The following UBXN7 variants were observed in gnomAD, a reference collection of about 807,000 sequenced individuals.
UBXN7 encodes UBX domain protein 7.
UBXN7 carries 9 observed loss-of-function variants against 58.0 expected under a neutral mutation model. That is an observed-to-expected ratio of 0.16 (90% CI 0.09 to 0.27). The LOEUF is 0.27. UBXN7 is among the 10% of genes least tolerant of loss of function. UBXN7 has a pLI of 1.00. For synonymous variants in UBXN7, 208 were observed against 205.0 expected (o/e 1.01, Z -0.12); for missense variants, 328 against 599.6 (o/e 0.55, Z 4.73).
chr3:196,376,963 T>G (rs1729047761), intron 5 of UBXN7, among the ~76,000 whole-genome samples: 1 of 151,710 alleles, frequency 6.6e-6, no homozygotes, highest in Admixed American at 6.6e-5. Flanking sequence ...GGCAGATCAC[T>G]TGAACCCAGG....
chr3:196,351,496 A>AG lies in UBXN7; in HGVS notation c.*5188dup, dbSNP rs1728213344. 1 of 152,094 alleles carries AG rather than the reference A, an allele frequency of 6.6e-6. No homozygotes were observed. Among genetic ancestry groups the AG allele is most frequent in the Non-Finnish European group, 1.5e-5 (1 of 68,008 alleles). The allele number at this position is 152,094 out of a possible 1,614,324, so 9.4% of individuals were successfully genotyped here. On this transcript the variant is annotated 3_prime_UTR_variant, in exon 11 of 11. Coordinates refer to ENST00000296328, the MANE Select transcript of UBXN7 (RefSeq NM_015562.2). ...CCTGAACACAGAATAAAAAAAAGAGAGAAAAAAAAAGTAAAGAAACTGATT... is the reference window on the plus strand; with the variant it reads ...CCTGAACACAGAATAAAAAAAAGAGAGGAAAAAAAAAGTAAAGAAACTGATT...
rs910746117 is a variant in UBXN7, at chr3:196,354,546, C to T, written c.*2139G>A. On this transcript the variant is annotated 3_prime_UTR_variant, in exon 11 of 11. Transcript: ENST00000296328. ...AAAGCTGAGCAAACCTCTCTTCTTA[C>T]CCTGTGCCCTCCCTGAATTTTTGGA... The T allele has an allele frequency of 6.6e-6, 1 of 152,274 alleles. No homozygotes were observed. The highest frequency in any genetic ancestry group is 1.5e-5 in the Non-Finnish European group (1 of 68,078). 9.4% of individuals were successfully genotyped at this position (152,274 alleles called of 1,614,324 possible). A position where few individuals can be genotyped will look rare whatever the true frequency, so the allele number is the denominator to read the frequency against.
chr3:196,394,651 G>A (rs1729715040), intron 3 of UBXN7, among the ~76,000 whole-genome samples: 1 of 151,948 alleles, frequency 6.6e-6, no homozygotes, highest in Non-Finnish European at 1.5e-5. Flanking sequence ...GGTGATATCA[G>A]GAAGAAAGAA....
chr3:196,406,466 G>GTCTT (rs1730165750), intron 2 of UBXN7, among the ~76,000 whole-genome samples: 1 of 151,948 alleles, frequency 6.6e-6, no homozygotes, highest in African/African-American at 2.4e-5. Context: ...TTGAGACAGA[G>GTCTT]TCTTGCTCTG....
At position 196,432,364 on chromosome 3, in the gene UBXN7, C is replaced by T. The variant is rs151210738; in HGVS notation, c.36G>A (p.Ala12=). 1.0e-3 allele frequency: 1,596 copies of T among 1,598,584 alleles called. 15 individuals carry two copies. The African/African-American group carries it at 0.019, about 19-fold the overall frequency. The change falls in exon 1 of 11, where the codon GCG becomes GCA. Residue 12 remains alanine, a synonymous_variant. Transcript: ENST00000296328. ...AAHGGSAASS[A]LKGLIQQFTT... The stretch of plus-strand genomic sequence containing the variant: ...TGAACTGTTGAATTAACCCCTTCAG[C>T]GCCGAGGACGCCGCGGAGCCCCCGT...
At chr3:196,429,533 G>T (rs920696380) in intron 1 of UBXN7, among the ~76,000 whole-genome samples, 5 of 151,000 alleles carry the variant, frequency 3.3e-5, no homozygotes, top group Non-Finnish European at 7.4e-5. Context: ...TCACATTTTT[G>T]ATGATGCATT....
At chr3:196,390,242 G>GAA (rs1447256239) in intron 5 of UBXN7, among the ~76,000 whole-genome samples, 1 of 151,832 alleles carries the variant, frequency 6.6e-6, no homozygotes, top group African/African-American at 2.4e-5. Context: ...AAAGAAAAGG[G>GAA]AAAGATAGGG....
intron 9 of UBXN7, 132 bp from the exon 10 acceptor site, chr3:196,362,055 G>A (rs989206586): frequency 8.8e-6 from 9 of 1,019,432 alleles, no homozygotes; most frequent in South Asian, 3.2e-5. Context: ...GTGCAGTGGC[G>A]TGATCTCAGC....
intron 1 of UBXN7, among the ~76,000 whole-genome samples, chr3:196,418,690 T>C (rs1054538891): frequency 1.3e-5 from 2 of 152,338 alleles, no homozygotes; most frequent in Non-Finnish European, 2.9e-5. Flanking sequence ...GTACAGTATG[T>C]ATGTATTCTA....
Position 196,362,432 on chromosome 3 carries a change from T to C in UBXN7, c.1090A>G (p.Arg364Gly), listed in dbSNP as rs762118400. Reference sequence around the variant, plus strand: ...CTGACTGGTGGCTCAGTCAGCGGCCTTCTATTCTCCTCTTTTCTATGCCCC... The same window carrying C: ...CTGACTGGTGGCTCAGTCAGCGGCCCTCTATTCTCCTCTTTTCTATGCCCC... ...DLGHRKEENR[R>G]PLTEPPVRTD... is the part of the protein sequence containing the mutation. Residue 364 changes from arginine to glycine, a missense_variant, in exon 9 of 11, where the codon AGG (arginine) becomes GGG (glycine). Arg to Gly is a moderately radical substitution (Grantham distance 125, BLOSUM62 -2). Transcript: ENST00000296328. 14 of 1,614,074 alleles carry C rather than the reference T, an allele frequency of 8.7e-6. No individual in the cohort carries two copies. Among genetic ancestry groups the C allele is most frequent in the Non-Finnish European group, 1.1e-5 (13 of 1,180,038 alleles).
intron 3 of UBXN7, among the ~76,000 whole-genome samples, chr3:196,402,252 C>A (rs145273371): frequency 6.2e-4 from 94 of 152,232 alleles, no homozygotes; most frequent in African/African-American, 2.1e-3. Context: ...AACTCCCGGC[C>A]TCGAGTGATC....
rs575760521 is a variant in UBXN7 at position 196,424,383 on chromosome 3, A to C, written c.73+7944T>G. ...AGATGCCATCCTTTCTCTTTTCCTA[A>C]TTTTTTTTTTTTTTTTTTTTTTTTT... is the stretch of plus-strand genomic sequence containing the variant. On this transcript the variant is annotated intron_variant, in intron 1 of 10. Coordinates refer to ENST00000296328, the MANE Select transcript of UBXN7 (RefSeq NM_015562.2). Among the ~76,000 whole-genome samples, 465 of 104,898 alleles carry C rather than the reference A, an allele frequency of 4.4e-3. 8 individuals are homozygous for C. The highest frequency in any genetic ancestry group is 0.036 in the Admixed American group (292 of 8,190). The allele number at this position is 104,898 out of a possible 152,430, so 68.8% of individuals were successfully genotyped here.
At chr3:196,402,915 A>T in intron 3 of UBXN7, 37 bp downstream of exon 3, 1 of 1,580,588 alleles carries the variant, frequency 6.3e-7, no homozygotes, top group Non-Finnish European at 8.5e-7. Context: ...CCTAAAGAAC[A>T]AAATCAAATA....
rs116258277 is a variant in UBXN7 at position 196,357,527 on chromosome 3, A to G, written c.1309-681T>C. ...GGTTGCTCACACCTGTAATCCCTGC[A>G]CTTTGGGAGGCCAAGGAGGGGGACA... is the stretch of plus-strand genomic sequence containing the variant. On this transcript the variant is annotated intron_variant, in intron 10 of 10. Transcript: ENST00000296328. Among the ~76,000 whole-genome samples, 1,145 of 152,294 alleles carry G rather than the reference A, an allele frequency of 7.5e-3. 14 individuals carry two copies. The highest frequency in any genetic ancestry group is 0.026 in the African/African-American group (1,097 of 41,558).
chr3:196,421,601 C>G lies in UBXN7; in HGVS notation c.73+10726G>C, dbSNP rs115090267. Among the ~76,000 whole-genome samples, 1,021 of 151,670 alleles carry G rather than the reference C, an allele frequency of 6.7e-3. 8 individuals are homozygous for G. The highest frequency in any genetic ancestry group is 0.023 in the African/African-American group (954 of 41,346). On this transcript the variant is annotated intron_variant, in intron 1 of 10. Coordinates refer to ENST00000296328, the MANE Select transcript of UBXN7 (RefSeq NM_015562.2). ...CCTGGCCAACATGGTGAAACCCCCCCCCAGTCTCTAGTAAAAATACAAAAA... is the reference window on the plus strand; with the variant it reads ...CCTGGCCAACATGGTGAAACCCCCCGCCAGTCTCTAGTAAAAATACAAAAA...
intron 5 of UBXN7, among the ~76,000 whole-genome samples, chr3:196,389,872 T>C (rs1256536060): frequency 6.6e-6 from 1 of 152,080 alleles, no homozygotes; most frequent in Non-Finnish European, 1.5e-5. Flanking sequence ...AAAGGACACA[T>C]TTAAAAAAAA....
intron 3 of UBXN7, among the ~76,000 whole-genome samples, chr3:196,396,668 CAGG>C (rs1729784873): frequency 6.6e-6 from 1 of 152,026 alleles, no homozygotes; most frequent in Non-Finnish European, 1.5e-5. Flanking sequence ...GAGGCTGAGG[CAGG>C]AGAACAGCGT....
intron 1 of UBXN7, among the ~76,000 whole-genome samples, chr3:196,422,574 T>C (rs905230816): frequency 3.3e-5 from 5 of 152,116 alleles, no homozygotes; most frequent in African/African-American, 7.2e-5. Context: ...TTAATACAGA[T>C]GTGGGGGTCT....
At chr3:196,382,180 C>T (rs145718359) in intron 5 of UBXN7, among the ~76,000 whole-genome samples, 2 of 152,246 alleles carry the variant, frequency 1.3e-5, no homozygotes, top group East Asian at 3.9e-4. Context: ...CCCCAAGACA[C>T]ATAATTGTCA....
Sources: gnomAD v4.1 joint callset for allele counts (sites outside exome capture counted in the v4.1 genomes callset) on GRCh38, gnomAD v4.1.1 for gene constraint, MANE v1.5 for transcripts, NCBI Gene and HGNC (gene_info 2026-07-23, HGNC 2026-07-21) for gene names.